BIRC6: variants seen among roughly 807,000 people sequenced by gnomAD.
BIRC6 encodes the protein dual E2 ubiquitin-conjugating enzyme/E3 ubiquitin-protein ligase BIRC6.
In BIRC6, 98 loss-of-function variants were observed where a neutral mutation model predicts 503.3. That is an observed-to-expected ratio of 0.19 (90% CI 0.17 to 0.23). BIRC6 has a LOEUF of 0.23. Among genes scored for constraint, BIRC6 ranks in the 10% least tolerant of loss-of-function variants. The pLI is 1.00. For synonymous variants in BIRC6, 2,240 were observed against 2,078.7 expected (o/e 1.08, Z -2.11); for missense variants, 5,360 against 5,806.0 (o/e 0.92, Z 2.50).
intron 1 of BIRC6, among the ~76,000 whole-genome samples, chr2:32,376,425 T>A (rs1189799596): frequency 6.6e-6 from 1 of 152,192 alleles, no homozygotes; most frequent in Non-Finnish European, 1.5e-5. Flanking sequence ...TTTGTTTACA[T>A]TTTTCTTGAC....
At chr2:32,601,520 G>T (rs1171316028) in intron 70 of BIRC6, among the ~76,000 whole-genome samples, 1 of 152,220 alleles carries the variant, frequency 6.6e-6, no homozygotes, top group Non-Finnish European at 1.5e-5. Context: ...GGCGGAGGTT[G>T]CGGTGAGCCC....
chr2:32,603,842 AAAAT>A (rs2062237480), intron 71 of BIRC6, among the ~76,000 whole-genome samples: 2 of 151,802 alleles, frequency 1.3e-5, no homozygotes, highest in Admixed American at 1.3e-4. Flanking sequence ...TTATGGATTA[AAAAT>A]AAATATTTAT....
At chr2:32,407,270 A>G (rs566590801) in intron 9 of BIRC6, among the ~76,000 whole-genome samples, 8 of 151,912 alleles carry the variant, frequency 5.3e-5, no homozygotes, top group African/African-American at 1.4e-4. Flanking sequence ...ACATGGTGAA[A>G]CCCCGTTTCT....
chr2:32,482,398 T>A, intron 38 of BIRC6, 31 bp from the exon 39 acceptor site: 1 of 1,600,892 alleles, frequency 6.2e-7, no homozygotes, highest in Non-Finnish European at 8.5e-7. Context: ...GAGGCAAAAA[T>A]AAACCACAGT....
rs752276269 is a variant in BIRC6 at position 32,433,688 on chromosome 2, C to T, written c.3293C>T (p.Ala1098Val). 2 of 1,604,112 alleles carry T rather than the reference C, an allele frequency of 1.2e-6. No homozygotes were observed. The highest frequency in any genetic ancestry group is 1.7e-6 in the Non-Finnish European group (2 of 1,172,944). ...GTATTTGAATTAGTACTACCTAAAG[C>T]TTGTATGGTTGGACATGTGGACTTC... is the stretch of plus-strand genomic sequence containing the variant. ...EHVFELVLPK[A>V]CMVGHVDFKF... Residue 1098 changes from alanine to valine, a missense_variant, in exon 13 of 74, where the codon GCT (alanine) becomes GTT (valine). Physicochemically the swap from Ala to Val is moderately conservative, Grantham distance 64. This residue lies in a region of BIRC6 where 2,299 missense variants were observed against 2,267.2 expected (regional missense o/e 1.01). Transcript: ENST00000421745.
chr2:32,406,479 A>G lies in BIRC6; in HGVS notation c.1419-20A>G. 3.8e-6 allele frequency: 6 copies of G among 1,578,986 alleles called. No homozygotes were observed. Among genetic ancestry groups the G allele is most frequent in the Non-Finnish European group, 5.2e-6 (6 of 1,151,796 alleles). ...ACTTTTTTTGAAATTCAAATTGTTT[A>G]CTTTGTTTTTTGATTTAAGTGATGA... On this transcript the variant is annotated intron_variant, in intron 8 of 73. Coordinates refer to ENST00000421745, the MANE Select transcript of BIRC6 (RefSeq NM_016252.4).
chr2:32,375,025 T>C (rs539980287), intron 1 of BIRC6, among the ~76,000 whole-genome samples: 1 of 152,340 alleles, frequency 6.6e-6, no homozygotes, highest in Non-Finnish European at 1.5e-5. Flanking sequence ...TTGATTTGTG[T>C]AATCAGCCTT....
rs115578038 is a variant in BIRC6, at chr2:32,374,233, T to C, written c.326-3355T>C. On this transcript the variant is annotated intron_variant, in intron 1 of 73. Coordinates refer to ENST00000421745, the MANE Select transcript of BIRC6 (RefSeq NM_016252.4). ...ATAATTGAAAAAAATCCAATGGCCA[T>C]GTTTATATAGTCATATCTCTTGACT... Among the ~76,000 whole-genome samples, 1,042 of 152,170 alleles carry C rather than the reference T, an allele frequency of 6.8e-3. 7 individuals carry two copies. Among genetic ancestry groups the C allele is most frequent in the South Asian group, 0.022 (106 of 4,816 alleles).
intron 63 of BIRC6, among the ~76,000 whole-genome samples, chr2:32,546,861 T>G (rs28631527): frequency 0.035 from 5,310 of 152,172 alleles, 234 homozygotes; most frequent in African/African-American, 0.11. Flanking sequence ...GGCAGATCAC[T>G]TAAGGTCAGA....
chr2:32,576,143 T>G (rs995297850), intron 66 of BIRC6, among the ~76,000 whole-genome samples: 1 of 152,232 alleles, frequency 6.6e-6, no homozygotes, highest in Non-Finnish European at 1.5e-5. Context: ...CATACATCTT[T>G]TGGTGCTTGC....
chr2:32,519,526 T>TA (rs1386840959), intron 57 of BIRC6, among the ~76,000 whole-genome samples: 17 of 152,142 alleles, frequency 1.1e-4, no homozygotes, highest in Non-Finnish European at 2.9e-5. Flanking sequence ...TTTATTTATT[T>TA]AATTTTGAGA....
chr2:32,598,714 A>C (rs1383388509), intron 69 of BIRC6, among the ~76,000 whole-genome samples: 1 of 152,146 alleles, frequency 6.6e-6, no homozygotes, highest in African/African-American at 2.4e-5. Context: ...ACTTGTAGAA[A>C]GTTTTATTTG....
intron 64 of BIRC6, among the ~76,000 whole-genome samples, chr2:32,548,315 C>CTT (rs112188615): frequency 8.4e-6 from 1 of 118,612 alleles, no homozygotes; most frequent in Non-Finnish European, 1.7e-5. Context: ...TGTATCTGGC[C>CTT]TTTTTTTTTT....
Position 32,463,217 on chromosome 2 carries a change from G to A in BIRC6, c.4777G>A (p.Ala1593Thr), listed in dbSNP as rs895486242. 9.3e-6 allele frequency: 15 copies of A among 1,612,830 alleles called. No homozygotes were observed. Among genetic ancestry groups the A allele is most frequent in the Non-Finnish European group, 1.2e-5 (14 of 1,179,418 alleles). The change falls in exon 24 of 74, where the codon GCA becomes ACA. Residue 1593 changes from alanine to threonine, a missense_variant. Transcript: ENST00000421745. The part of the protein sequence containing the change: ...DAMSSFGVTP[A>T]VGGLSSGTVG... ...AGTGAGTTCCTTCGGGGTTACTCCT[G>A]CAGTAGGTGGACTATCATCTGGGAC...
rs139991434 is a variant in BIRC6, at chr2:32,617,783, A to G, written c.14453A>G (p.Asp4818Gly). The change falls in exon 74 of 74, where the codon GAT (aspartate) becomes GGT (glycine). Residue 4818 changes from aspartate to glycine, a missense_variant. Transcript: ENST00000421745. ...LLKLPCPEGLDPDTDDAPEVC... is the reference protein window; with the variant it reads ...LLKLPCPEGLGPDTDDAPEVC... Reference sequence around the variant, plus strand: ...AAACTTCCCTGCCCTGAAGGCTTGGATCCTGACACTGACGATGCCCCAGAG... The same window carrying G: ...AAACTTCCCTGCCCTGAAGGCTTGGGTCCTGACACTGACGATGCCCCAGAG... The G allele has an allele frequency of 9.0e-5, 146 of 1,614,002 alleles. No homozygotes were observed. In the African/African-American group the frequency reaches 1.7e-3, roughly 19 times the overall value.
Position 32,518,899 on chromosome 2 carries a change from A to G in BIRC6, c.11576A>G (p.His3859Arg). The G allele has an allele frequency of 4.3e-6, 7 of 1,613,882 alleles. No individual in the cohort carries two copies. The highest frequency in any genetic ancestry group is 5.9e-6 in the Non-Finnish European group (7 of 1,179,830). ...GCAGGCCACAAATTCCGTACTCTTC[A>G]TTTGCCAGTCTCAACAACATTATCA... ...YGAGHKFRTLHLPVSTTLSDV... is the reference protein window; with the variant it reads ...YGAGHKFRTLRLPVSTTLSDV... Residue 3859 changes from histidine to arginine, a missense_variant, in exon 57 of 74, where the codon CAT becomes CGT. This residue lies in a region of BIRC6 where 878 missense variants were observed against 928.9 expected (regional missense o/e 0.95). Transcript: ENST00000421745.
chr2:32,525,770 C>T, intron 59 of BIRC6, 142 bp downstream of exon 59: 1 of 756,500 alleles, frequency 1.3e-6, no homozygotes, highest in Admixed American at 3.1e-5. Flanking sequence ...CCATACAGTT[C>T]CTCCGAAGAG....
rs150478905 is a variant in BIRC6, at chr2:32,551,964, G to A, written c.13144+2483G>A. On this transcript the variant is annotated intron_variant, in intron 65 of 73. Coordinates refer to ENST00000421745, the MANE Select transcript of BIRC6 (RefSeq NM_016252.4). ...ATTCAAGGGATGATTTGCTTATATTGCTAGCAGATGATATAAAAAAACGCA... is the reference window on the plus strand; with the variant it reads ...ATTCAAGGGATGATTTGCTTATATTACTAGCAGATGATATAAAAAAACGCA... Among the ~76,000 whole-genome samples, 77 of 152,224 alleles carry A rather than the reference G, an allele frequency of 5.1e-4. 1 individual carries two copies. In the South Asian group the frequency reaches 0.01, roughly 20 times the overall value.
At chr2:32,422,523 T>C (rs928382210) in intron 10 of BIRC6, among the ~76,000 whole-genome samples, 3 of 152,184 alleles carry the variant, frequency 2.0e-5, no homozygotes, top group African/African-American at 4.8e-5. Context: ...ATATCTTGCA[T>C]CTATGAATGT....
Sources: allele counts gnomAD v4.1 joint callset (sites outside exome capture counted in the v4.1 genomes callset), GRCh38; gene constraint gnomAD v4.1.1; regional missense constraint gnomAD v4.1.1; transcripts MANE v1.5; gene names NCBI Gene and HGNC (gene_info 2026-07-23, HGNC 2026-07-21).